CUX2: variants seen among roughly 807,000 people sequenced by gnomAD.
The protein encoded by CUX2 is cut like homeobox 2.
CUX2 carries 40 observed loss-of-function variants against 144.8 expected under a neutral mutation model. That is an observed-to-expected ratio of 0.28 (90% CI 0.21 to 0.36). The LOEUF (loss-of-function observed/expected upper bound fraction) is 0.36, where lower values mean the gene tolerates loss of function less well. CUX2 is among the 10% of genes least tolerant of loss of function. The pLI is 1.00. For missense variants in CUX2, 1,615 were observed against 1,994.0 expected, an observed-to-expected ratio of 0.81 and a Z score of 3.62; for synonymous variants, 827 against 875.6, an observed-to-expected ratio of 0.94 and a Z score of 0.98.
chr12:111,087,618 G>A lies in CUX2; in HGVS notation c.63+53378G>A, dbSNP rs1422380029. ...CATTTCTGTGTGTGGCTGTAGAGTC[G>A]ACTTAGCCATAAGTTGTTTGTTCAG... On this transcript the variant is annotated intron_variant, in intron 1 of 21. Coordinates refer to ENST00000261726, the MANE Select transcript of CUX2 (RefSeq NM_015267.4). 2.6e-5 allele frequency among the ~76,000 whole-genome samples: 4 copies of A among 152,212 alleles called. No individual in the cohort carries two copies. In the East Asian group the frequency reaches 7.7e-4, roughly 29 times the overall value.
chr12:111,093,821 A>G (rs1302754299), intron 1 of CUX2, among the ~76,000 whole-genome samples: 1 of 152,166 alleles, frequency 6.6e-6, no homozygotes, highest in African/African-American at 2.4e-5. Flanking sequence ...GGCGATGGAC[A>G]CCTTAGAGCT....
chr12:111,272,494 T>C (rs1884683298), intron 4 of CUX2, among the ~76,000 whole-genome samples: 1 of 152,206 alleles, frequency 6.6e-6, no homozygotes. Context: ...AGATGTAGTC[T>C]CACTCTGTCA....
At chr12:111,285,560 G>A (rs1437246710) in intron 4 of CUX2, among the ~76,000 whole-genome samples, 2 of 152,126 alleles carry the variant, frequency 1.3e-5, no homozygotes, top group African/African-American at 4.8e-5. Flanking sequence ...ATTCCTCAGG[G>A]GACTCTGATG....
intron 1 of CUX2, among the ~76,000 whole-genome samples, chr12:111,188,987 A>G (rs997087235): frequency 3.3e-5 from 5 of 152,152 alleles, no homozygotes; most frequent in Non-Finnish European, 4.4e-5. Context: ...GAATATTCAC[A>G]CAGAAAGGTG....
chr12:111,110,919 T>A (rs1387219107), intron 1 of CUX2, among the ~76,000 whole-genome samples: 3 of 152,028 alleles, frequency 2.0e-5, no homozygotes, highest in Non-Finnish European at 4.4e-5. Context: ...TCTTACGAAT[T>A]GGGAAAGTGG....
chr12:111,213,368 G>T (rs1050339400), intron 1 of CUX2, among the ~76,000 whole-genome samples: 1 of 152,200 alleles, frequency 6.6e-6, no homozygotes, highest in Non-Finnish European at 1.5e-5. Context: ...CAAGAGGGGT[G>T]ATCAAATATA....
intron 3 of CUX2, among the ~76,000 whole-genome samples, chr12:111,225,940 T>C (rs1882112984): frequency 6.6e-6 from 1 of 152,330 alleles, no homozygotes; most frequent in South Asian, 2.1e-4. Flanking sequence ...TCCTCTCTAC[T>C]GCCCCCGACA....
chr12:111,150,295 T>A (rs1001888231), intron 1 of CUX2, among the ~76,000 whole-genome samples: 1 of 152,124 alleles, frequency 6.6e-6, no homozygotes, highest in South Asian at 2.1e-4. Flanking sequence ...AAAATTTTTT[T>A]AACCTTCCTC....
intron 1 of CUX2, among the ~76,000 whole-genome samples, chr12:111,136,390 C>G (rs1157428945): frequency 6.6e-6 from 1 of 151,972 alleles, no homozygotes; most frequent in South Asian, 2.1e-4. Flanking sequence ...AGGATAAAGC[C>G]AGGTGGGGGC....
Position 111,333,219 on chromosome 12 carries a change from C to G in CUX2, c.2927-1222C>G, listed in dbSNP as rs1888196403. ...TTTTGAGACAGAGTGAAACTCTTGT[C>G]TCAAAAAAAGAAAAGTGAGCCAGGC... On this transcript the variant is annotated intron_variant, in intron 18 of 21. Coordinates refer to ENST00000261726, the MANE Select transcript of CUX2 (RefSeq NM_015267.4). Among the ~76,000 whole-genome samples the G allele has an allele frequency of 4.0e-5, 6 of 151,546 alleles. No individual in the cohort carries two copies. In the South Asian group the frequency reaches 1.3e-3, roughly 32 times the overall value.
At position 111,293,646 on chromosome 12, in the gene CUX2, CG is replaced by C; in HGVS notation, c.560+81del. Reference sequence around the variant, plus strand: ...CTGCCCCACCTGGCTGGGTCGTGGACGGGGAAAGTCTCCTACCAGAATCCAG... The same window carrying C: ...CTGCCCCACCTGGCTGGGTCGTGGACGGGAAAGTCTCCTACCAGAATCCAG... On this transcript the variant is annotated intron_variant, in intron 6 of 21. Coordinates refer to ENST00000261726, the MANE Select transcript of CUX2 (RefSeq NM_015267.4). The surrounding 1 kb of genome is among the most constrained non-coding windows in gnomAD (Gnocchi z 4.5). 6.7e-7 allele frequency: 1 copy of C among 1,501,302 alleles called. No homozygotes were observed. Among genetic ancestry groups the C allele is most frequent in the South Asian group, 1.3e-5 (1 of 76,684 alleles). The allele number at this position is 1,501,302 out of a possible 1,614,324, so 93.0% of individuals were successfully genotyped here. A position where few individuals can be genotyped will look rare whatever the true frequency, so the allele number is the denominator to read the frequency against.
At position 111,263,812 on chromosome 12, in the gene CUX2, G is replaced by A; in HGVS notation, c.274G>A (p.Val92Ile). ...GGAGGCGGAGGCTGCTTTTCTGAGT[G>A]TTTACAAGCAATTAATTGAAGCACC... Reference protein sequence around the residue: ...SQEAEAAFLSVYKQLIEAPDP... With the variant: ...SQEAEAAFLSIYKQLIEAPDP... Residue 92 changes from valine (V) to isoleucine (I), a missense_variant, in exon 4 of 22, where the codon GTT becomes ATT. Physicochemically the swap from Val to Ile is conservative, Grantham distance 29 (BLOSUM62 3). This residue lies in a region of CUX2 where 295 missense variants were observed against 400.2 expected (regional missense o/e 0.74). Coordinates refer to ENST00000261726, the MANE Select transcript of CUX2 (RefSeq NM_015267.4). This position sits in a 1 kb window ranked among gnomAD's most constrained non-coding sequence, Gnocchi z 4.0. 4 of 1,614,182 alleles carry A rather than the reference G, an allele frequency of 2.5e-6. No homozygotes were observed. The highest frequency in any genetic ancestry group is 3.4e-6 in the Non-Finnish European group (4 of 1,180,012).
intron 1 of CUX2, among the ~76,000 whole-genome samples, chr12:111,191,704 A>G (rs1247321210): frequency 6.6e-6 from 1 of 152,194 alleles, no homozygotes; most frequent in African/African-American, 2.4e-5. Flanking sequence ...ATACCTGCTG[A>G]TATCCACTGT....
chr12:111,303,637 A>G (rs76579398), intron 9 of CUX2, among the ~76,000 whole-genome samples: 36 of 111,458 alleles, frequency 3.2e-4, no homozygotes, highest in African/African-American at 1.1e-3. Flanking sequence ...ACTCCATCTC[A>G]AAAAAAAAAA....
At chr12:111,247,861 A>G (rs564608486) in intron 3 of CUX2, among the ~76,000 whole-genome samples, 37 of 151,552 alleles carry the variant, frequency 2.4e-4, no homozygotes, top group Non-Finnish European at 4.3e-4. Context: ...GGCCTGGCCA[A>G]CCTCACCCTG....
At chr12:111,049,010 T>C (rs955329619) in intron 1 of CUX2, among the ~76,000 whole-genome samples, 6 of 152,162 alleles carry the variant, frequency 3.9e-5, no homozygotes, top group Admixed American at 1.3e-4. Flanking sequence ...TTCATAAATC[T>C]GCTCTCTCAT....
At chr12:111,133,584 C>T (rs1039602841) in intron 1 of CUX2, among the ~76,000 whole-genome samples, 7 of 152,288 alleles carry the variant, frequency 4.6e-5, no homozygotes, top group South Asian at 4.1e-4. Flanking sequence ...TCCCACAACA[C>T]GTGGGAATTC....
In CUX2 at chr12:111,175,271, G is replaced by A. The variant is rs144752952; in HGVS notation, c.64-38929G>A. ...AGTAAAGACCCATTTGCCTCTGTAT[G>A]TAAAATTGACACATTTATTGAATAT... On this transcript the variant is annotated intron_variant, in intron 1 of 21. Coordinates refer to ENST00000261726, the MANE Select transcript of CUX2 (RefSeq NM_015267.4). 3.4e-3 allele frequency among the ~76,000 whole-genome samples: 507 copies of A among 149,924 alleles called. 2 individuals are homozygous for A. Among genetic ancestry groups the A allele is most frequent in the South Asian group, 0.011 (53 of 4,688 alleles).
At chr12:111,249,325 C>T (rs1297844964) in intron 3 of CUX2, among the ~76,000 whole-genome samples, 2 of 150,342 alleles carry the variant, frequency 1.3e-5, no homozygotes, top group African/African-American at 2.5e-5. Context: ...GAGAAGGATA[C>T]GGACCCCAGG....
Sources: gnomAD v4.1 joint callset for allele counts (sites outside exome capture counted in the v4.1 genomes callset) on GRCh38, gnomAD v4.1.1 for gene constraint, gnomAD v4.1.1 regional missense constraint, Gnocchi (gnomAD v3.1) non-coding constraint, MANE v1.5 for transcripts, NCBI Gene and HGNC (gene_info 2026-07-23, HGNC 2026-07-21) for gene names.